The following FRMPD1 variants were observed in gnomAD, a reference collection of about 807,000 sequenced individuals.
FRMPD1 encodes the protein FERM and PDZ domain-containing protein 1.
Under a neutral mutation model 117.8 loss-of-function variants are expected in FRMPD1, and 76 were observed. The ratio of observed to expected loss-of-function variants is 0.65; its 90% CI spans 0.54 to 0.78. The LOEUF is 0.78. FRMPD1 is among the 30% of genes least tolerant of loss of function. The pLI, the probability that FRMPD1 is intolerant of heterozygous loss-of-function variation, is 0.00. For missense variants in FRMPD1, 1,786 were observed against 1,964.5 expected, an observed-to-expected ratio of 0.91 and a Z score of 1.72; for synonymous variants, 783 against 770.4, an observed-to-expected ratio of 1.02 and a Z score of -0.27.
chr9:37,653,590 C>T (rs1456032668), intron 1 of FRMPD1, among the ~76,000 whole-genome samples: 2 of 152,246 alleles, frequency 1.3e-5, no homozygotes, highest in East Asian at 3.9e-4. Context: ...AAGGCTCAAT[C>T]CCTGCCTCAC....
chr9:37,608,097 C>T, the FRMPD1 span, among the ~76,000 whole-genome samples: 1 of 152,182 alleles, frequency 6.6e-6, no homozygotes, highest in Non-Finnish European at 1.5e-5. Flanking sequence ...GCATTTAAAC[C>T]CTGTGTCACG....
At chr9:37,683,651 A>G (rs2117948646) in intron 1 of FRMPD1, among the ~76,000 whole-genome samples, 1 of 152,214 alleles carries the variant, frequency 6.6e-6, no homozygotes, top group African/African-American at 2.4e-5. Context: ...ACAGTTCTGC[A>G]GAGTGTTGTG....
chr9:37,717,321 GTGTGTGTGTATGTGTATATA>G (rs1285977559), intron 5 of FRMPD1, among the ~76,000 whole-genome samples: 44 of 142,804 alleles, frequency 3.1e-4, no homozygotes, highest in Non-Finnish European at 2.6e-4. Context: ...ATATGTATGT[GTGTGTGTGTATGTGTATATA>G]TGTGTGTGTG....
chr9:37,690,404 T>C (rs894260354), intron 1 of FRMPD1, among the ~76,000 whole-genome samples: 15 of 152,062 alleles, frequency 9.9e-5, no homozygotes, highest in Admixed American at 1.3e-4. Flanking sequence ...AAATTTTTTT[T>C]CTTCTGTTTT....
intron 7 of FRMPD1, among the ~76,000 whole-genome samples, chr9:37,728,824 G>A (rs10429513): frequency 0.024 from 3,686 of 151,990 alleles, 155 homozygotes; most frequent in African/African-American, 0.083. Context: ...TTAGCTGGGC[G>A]TGGTGGCGCA....
At chr9:37,685,763 T>C (rs1821916179) in intron 1 of FRMPD1, among the ~76,000 whole-genome samples, 1 of 152,264 alleles carries the variant, frequency 6.6e-6, no homozygotes, top group Non-Finnish European at 1.5e-5. Context: ...ACTGATTCTG[T>C]GCCTGACAGT....
intron 1 of FRMPD1, among the ~76,000 whole-genome samples, chr9:37,672,062 A>C (rs1186724722): frequency 6.6e-6 from 1 of 152,196 alleles, no homozygotes; most frequent in African/African-American, 2.4e-5. Context: ...GGGGAAATGG[A>C]CTGCTAATGA....
rs62640019 is a variant in FRMPD1, at chr9:37,735,728, C to T, written c.1395C>T (p.Asp465=). 1,770 of 1,610,616 alleles carry T rather than the reference C, an allele frequency of 1.1e-3. 21 individuals are homozygous for T. In the African/African-American group the frequency reaches 0.019, roughly 17 times the overall value. Residue 465 remains aspartate (D), a synonymous_variant, in exon 13 of 16, where the codon GAC becomes GAT. Coordinates refer to ENST00000377765, the MANE Select transcript of FRMPD1 (RefSeq NM_014907.3). ...GCGTCGTCAAAGTGTATCTTCAGGACGTCAAGGTAACACAATGGGGAGAGA... is the reference window on the plus strand; with the variant it reads ...GCGTCGTCAAAGTGTATCTTCAGGATGTCAAGGTAACACAATGGGGAGAGA... The part of the protein sequence containing the change: ...KVSVVKVYLQ[D]VKVLTLLLES...
the FRMPD1 span, among the ~76,000 whole-genome samples, chr9:37,635,299 A>T: frequency 6.6e-6 from 1 of 152,306 alleles, no homozygotes; most frequent in East Asian, 1.9e-4. Context: ...ATTAATGTTC[A>T]ATTGAATTTA....
chr9:37,725,274 C>T (rs1823572128), intron 7 of FRMPD1, among the ~76,000 whole-genome samples: 1 of 151,968 alleles, frequency 6.6e-6, no homozygotes, highest in Non-Finnish European at 1.5e-5. Context: ...AGAGTGAGGC[C>T]GCAGTGAAGA....
chr9:37,745,757 G>C lies in FRMPD1; in HGVS notation c.3725G>C (p.Arg1242Thr). 1 of 1,614,192 alleles carries C rather than the reference G, an allele frequency of 6.2e-7. No individual in the cohort carries two copies. Among genetic ancestry groups the C allele is most frequent in the Non-Finnish European group, 8.5e-7 (1 of 1,180,028 alleles). The change falls in exon 16 of 16, where the codon AGG becomes ACG. Residue 1242 changes from arginine (R) to threonine (T), a missense_variant. Coordinates refer to ENST00000377765, the MANE Select transcript of FRMPD1 (RefSeq NM_014907.3). ...GTGACAGGGCAAGATATAGCCCCTA[G>C]GGACAGCCCTGAGTGGGTCTGTTTT... is the stretch of plus-strand genomic sequence containing the variant. ...NHVTGQDIAP[R>T]DSPEWVCFNP...
chr9:37,629,518 C>T, the FRMPD1 span, among the ~76,000 whole-genome samples: 73 of 152,206 alleles, frequency 4.8e-4, no homozygotes, highest in Non-Finnish European at 7.6e-4. Flanking sequence ...ATTGTAGGCA[C>T]GCCAATTGCA....
At chr9:37,609,823 C>T in the FRMPD1 span, among the ~76,000 whole-genome samples, 5 of 152,196 alleles carry the variant, frequency 3.3e-5, no homozygotes, top group Non-Finnish European at 5.9e-5. Flanking sequence ...CTAGCTTCCT[C>T]GGCTCCAGCC....
At chr9:37,694,283 A>T (rs1007431927) in intron 2 of FRMPD1, among the ~76,000 whole-genome samples, 2 of 152,220 alleles carry the variant, frequency 1.3e-5, no homozygotes, top group African/African-American at 4.8e-5. Flanking sequence ...TTGGTGATTT[A>T]TTATACACAT....
the FRMPD1 span, among the ~76,000 whole-genome samples, chr9:37,604,422 T>C: frequency 6.6e-6 from 1 of 152,182 alleles, no homozygotes; most frequent in African/African-American, 2.4e-5. Context: ...AAGATTCTTT[T>C]TGTTCACTGT....
intron 2 of FRMPD1, among the ~76,000 whole-genome samples, chr9:37,696,400 AC>A (rs1326428008): frequency 1.3e-5 from 2 of 152,088 alleles, no homozygotes; most frequent in African/African-American, 2.4e-5. Flanking sequence ...AGGGACCCTG[AC>A]TGTTTTGTTT....
chr9:37,732,145 T>C (rs7035345), intron 9 of FRMPD1, among the ~76,000 whole-genome samples, 159 bp from the exon 10 acceptor site: 82,730 of 152,076 alleles, frequency 0.54, 22,632 homozygotes, highest in African/African-American at 0.61. Flanking sequence ...ACCAAATGCT[T>C]GGAGAGTCTT....
chr9:37,715,633 C>G (rs1823085150), intron 5 of FRMPD1: 3 of 456,238 alleles, frequency 6.6e-6, no homozygotes, highest in Non-Finnish European at 1.3e-5. Context: ...TAATGAGTAG[C>G]TCATATCCTT....
At chr9:37,718,267 C>G (rs1823237729) in intron 5 of FRMPD1, among the ~76,000 whole-genome samples, 1 of 152,170 alleles carries the variant, frequency 6.6e-6, no homozygotes, top group Non-Finnish European at 1.5e-5. Flanking sequence ...AGAACGTGGC[C>G]CAGAGTTTCA....
Sources: allele counts gnomAD v4.1 joint callset (sites outside exome capture counted in the v4.1 genomes callset), GRCh38; gene constraint gnomAD v4.1.1; transcripts MANE v1.5; gene names NCBI Gene and HGNC (gene_info 2026-07-23, HGNC 2026-07-21).